The following TAFA5 variants were observed in gnomAD, a reference collection of about 807,000 sequenced individuals.
TAFA5 encodes TAFA chemokine like family member 5.
TAFA5 carries 6 observed loss-of-function variants against 15.3 expected under a neutral mutation model. That is an observed-to-expected ratio of 0.39 (90% CI 0.21 to 0.77). The LOEUF is 0.77. TAFA5 is among the 30% of genes least tolerant of loss of function. The probability of loss-of-function intolerance (pLI) is 0.41; values close to 1 mark genes in which losing one functional copy is unlikely to be tolerated. For synonymous variants in TAFA5, 103 were observed against 80.7 expected (o/e 1.28, Z -1.48); for missense variants, 161 against 193.1 (o/e 0.83, Z 0.98).
intron 1 of TAFA5, among the ~76,000 whole-genome samples, chr22:48,600,014 CTT>C (rs1025157678): frequency 3.3e-5 from 5 of 152,210 alleles, no homozygotes; most frequent in African/African-American, 1.2e-4. Flanking sequence ...TGTCTCCTGA[CTT>C]TCCCTGGGCT....
chr22:48,542,088 CAT>C (rs1922400148), intron 1 of TAFA5, among the ~76,000 whole-genome samples: 3 of 129,150 alleles, frequency 2.3e-5, no homozygotes, highest in African/African-American at 2.9e-5. Context: ...TGTGTGTGTG[CAT>C]GTGTGATGTG....
intron 1 of TAFA5, chr22:48,576,621 G>C: frequency 7.5e-7 from 1 of 1,329,022 alleles, no homozygotes; most frequent in Non-Finnish European, 9.8e-7. Context: ...TGCCCGGCTC[G>C]CGGCGGCTCC....
intron 3 of TAFA5, among the ~76,000 whole-genome samples, chr22:48,719,050 G>A (rs1929489716): frequency 6.6e-6 from 1 of 152,244 alleles, no homozygotes; most frequent in South Asian, 2.1e-4. Flanking sequence ...TTCTCAACGT[G>A]GAAGAAACGC....
At chr22:48,717,238 A>G (rs1238927582) in intron 3 of TAFA5, among the ~76,000 whole-genome samples, 1 of 152,212 alleles carries the variant, frequency 6.6e-6, no homozygotes, top group African/African-American at 2.4e-5. Context: ...AAGCCGGGAA[A>G]CAGTGTTGCC....
intron 1 of TAFA5, among the ~76,000 whole-genome samples, chr22:48,518,195 C>T (rs1002383217): frequency 1.3e-5 from 2 of 152,204 alleles, no homozygotes; most frequent in African/African-American, 4.8e-5. Flanking sequence ...TGAGATGGTA[C>T]CCGCAGGAGC....
At chr22:48,641,721 C>T (rs576176093) in intron 1 of TAFA5, among the ~76,000 whole-genome samples, 1 of 152,198 alleles carries the variant, frequency 6.6e-6, no homozygotes, top group East Asian at 1.9e-4. Flanking sequence ...TCGGAGGCCC[C>T]CGGTCCAGGC....
intron 1 of TAFA5, among the ~76,000 whole-genome samples, chr22:48,597,572 C>T (rs977038966): frequency 6.6e-6 from 1 of 152,054 alleles, no homozygotes; most frequent in African/African-American, 2.4e-5. Context: ...CCCTTCACCA[C>T]GCCACCATGG....
intron 1 of TAFA5, among the ~76,000 whole-genome samples, chr22:48,563,221 T>C (rs536980391): frequency 6.6e-6 from 1 of 152,298 alleles, no homozygotes; most frequent in Admixed American, 6.5e-5. Context: ...TGCAGACAAG[T>C]GGCCCCTCGT....
chr22:48,576,593 G>T lies in TAFA5; in HGVS notation c.113-70004G>T, dbSNP rs770108651. 4.9e-6 allele frequency: 7 copies of T among 1,432,202 alleles called. No individual in the cohort carries two copies. The South Asian group carries it at 9.0e-5, about 18-fold the overall frequency. 88.7% of individuals were successfully genotyped at this position (1,432,202 alleles called of 1,614,324 possible). ...GAAGGTAATTGTCCCCGGGCGCGCG[G>T]ACCGGTCCTCCGCGCTCTGCCCGGC... On this transcript the variant is annotated intron_variant, in intron 1 of 3. Coordinates refer to ENST00000402357, the MANE Select transcript of TAFA5 (RefSeq NM_001082967.3).
chr22:48,596,831 C>G (rs547497614), intron 1 of TAFA5, among the ~76,000 whole-genome samples: 4 of 152,096 alleles, frequency 2.6e-5, no homozygotes, highest in African/African-American at 9.7e-5. Flanking sequence ...GTTTTTGAGA[C>G]AGGGTCTCCT....
At chr22:48,576,839 C>G (rs1020040851) in intron 1 of TAFA5, among the ~76,000 whole-genome samples, 1 of 151,836 alleles carries the variant, frequency 6.6e-6, no homozygotes, top group African/African-American at 2.4e-5. Context: ...GGCGCCGCCC[C>G]GGATCCCCAG....
intron 3 of TAFA5, among the ~76,000 whole-genome samples, chr22:48,719,789 C>T (rs1425926893): frequency 6.6e-6 from 1 of 152,204 alleles, no homozygotes; most frequent in Non-Finnish European, 1.5e-5. Context: ...TTCATCACCA[C>T]GATAATGGCT....
chr22:48,507,380 C>G (rs1921037113), intron 1 of TAFA5, among the ~76,000 whole-genome samples: 1 of 152,178 alleles, frequency 6.6e-6, no homozygotes, highest in East Asian at 1.9e-4. Context: ...TGAGTTGAAG[C>G]CCTGGTCCTT....
At chr22:48,497,039 C>T (rs1217607051) in intron 1 of TAFA5, among the ~76,000 whole-genome samples, 2 of 152,176 alleles carry the variant, frequency 1.3e-5, no homozygotes, top group African/African-American at 2.4e-5. Flanking sequence ...TGGGGCTGGT[C>T]CCGCACAGGG....
chr22:48,553,766 C>G (rs145216358), intron 1 of TAFA5, among the ~76,000 whole-genome samples: 1 of 152,350 alleles, frequency 6.6e-6, no homozygotes, highest in Non-Finnish European at 1.5e-5. Context: ...GGGTGCAGCC[C>G]TGGCATGCCC....
chr22:48,679,728 G>A (rs1031616231), intron 2 of TAFA5, among the ~76,000 whole-genome samples: 5 of 112,464 alleles, frequency 4.4e-5, no homozygotes, highest in Non-Finnish European at 7.1e-5. Flanking sequence ...CCGGCTCCCC[G>A]TCCATCCCTC....
intron 1 of TAFA5, among the ~76,000 whole-genome samples, chr22:48,612,599 C>G (rs900815989): frequency 1.4e-4 from 22 of 152,126 alleles, no homozygotes; most frequent in African/African-American, 4.6e-4. Context: ...CCCCACCTGT[C>G]TGCTGTTCCC....
At chr22:48,494,234 A>G (rs559090188) in intron 1 of TAFA5, among the ~76,000 whole-genome samples, 2 of 152,356 alleles carry the variant, frequency 1.3e-5, no homozygotes, top group South Asian at 4.1e-4. Context: ...GCACTAGAAA[A>G]GGGAAGAAAA....
intron 2 of TAFA5, among the ~76,000 whole-genome samples, chr22:48,691,820 C>T (rs993170581): frequency 2.0e-5 from 3 of 152,240 alleles, no homozygotes; most frequent in Non-Finnish European, 2.9e-5. Context: ...GAGGTGCTGC[C>T]TGTGGAGACT....
Sources: gnomAD v4.1 joint callset for allele counts (sites outside exome capture counted in the v4.1 genomes callset) on GRCh38, gnomAD v4.1.1 for gene constraint, MANE v1.5 for transcripts, NCBI Gene and HGNC (gene_info 2026-07-23, HGNC 2026-07-21) for gene names.